PXDN: variants seen among roughly 807,000 people sequenced by gnomAD.
PXDN encodes the protein peroxidasin homolog.
PXDN carries 77 observed loss-of-function variants against 140.3 expected under a neutral mutation model. The observed-to-expected ratio is 0.55, with a 90% CI of 0.46 to 0.66. The LOEUF (loss-of-function observed/expected upper bound fraction) is 0.66, where lower values mean the gene tolerates loss of function less well. Among genes scored for constraint, PXDN ranks in the 30% least tolerant of loss-of-function variants. The probability of loss-of-function intolerance (pLI) is 0.00; values close to 1 mark genes in which losing one functional copy is unlikely to be tolerated. For synonymous variants in PXDN, 911 were observed against 857.4 expected (o/e 1.06, Z -1.09); for missense variants, 1,838 against 2,039.5 (o/e 0.90, Z 1.90).
At chr2:1,644,350 G>A (rs1409417277) in intron 18 of PXDN, among the ~76,000 whole-genome samples, 1 of 152,098 alleles carries the variant, frequency 6.6e-6, no homozygotes, top group Non-Finnish European at 1.5e-5. Flanking sequence ...AGGTTTACAG[G>A]AACAGAAATA....
chr2:1,645,621 A>C (rs1343009130), intron 17 of PXDN, among the ~76,000 whole-genome samples: 1 of 152,230 alleles, frequency 6.6e-6, no homozygotes, highest in African/African-American at 2.4e-5. Context: ...AATTTTATGT[A>C]AACTAGCATT....
At chr2:1,744,581 GC>G, upstream of PXDN, 1 of 802,204 alleles carries the variant, frequency 1.2e-6, no homozygotes, top group Non-Finnish European at 1.6e-6. Flanking sequence ...CTGTGCACAT[GC>G]GCGAGGCTCC....
rs1343771796 is a variant in PXDN at position 1,649,738 on chromosome 2, C to A, written c.2105-63G>T. ...CTGGAGGATGTGTGAGGGCCCGGTA[C>A]CCCTTGGCACCTCTGCCGCTGACAT... On this transcript the variant is annotated intron_variant, in intron 16 of 22. Transcript: ENST00000252804. The surrounding 1 kb of genome is among the most constrained non-coding windows in gnomAD (Gnocchi z 7.1). 7 of 1,558,024 alleles carry A rather than the reference C, an allele frequency of 4.5e-6. No homozygotes were observed. The Admixed American group carries it at 1.2e-4, about 26-fold the overall frequency.
intron 8 of PXDN, 95 bp downstream of exon 8, chr2:1,676,832 G>A (rs1207224183): frequency 2.3e-5 from 26 of 1,149,344 alleles, no homozygotes; most frequent in Non-Finnish European, 2.4e-5. Flanking sequence ...GAGGAAAAGT[G>A]GACGTGGGCC....
chr2:1,735,046 T>C (rs1430381840), intron 1 of PXDN, among the ~76,000 whole-genome samples: 1 of 152,218 alleles, frequency 6.6e-6, no homozygotes, highest in Admixed American at 6.5e-5. Context: ...AGCCACTTTT[T>C]ATGCTCATCC....
intron 6 of PXDN, 71 bp from the exon 7 acceptor site, chr2:1,680,433 C>T: frequency 2.2e-5 from 34 of 1,560,944 alleles, no homozygotes; most frequent in Non-Finnish European, 3.0e-5. Flanking sequence ...TCAGACAGGG[C>T]TTCCAGGTCC....
At chr2:1,715,809 C>G (rs1414890436) in intron 1 of PXDN, among the ~76,000 whole-genome samples, 1 of 152,214 alleles carries the variant, frequency 6.6e-6, no homozygotes, top group African/African-American at 2.4e-5. Flanking sequence ...TGAATATCTT[C>G]CATACTCAGG....
At position 1,680,182 on chromosome 2, in the gene PXDN, G is replaced by T. The variant is rs754008837; in HGVS notation, c.730+11C>A. 6 of 1,547,198 alleles carry T rather than the reference G, an allele frequency of 3.9e-6. No individual in the cohort carries two copies. The East Asian group carries it at 1.2e-4, about 31-fold the overall frequency. On this transcript the variant is annotated intron_variant, in intron 7 of 22. Transcript: ENST00000252804. ...AGTGTGTGGATGGTGTGTGCGTGTC[G>T]GGCCACTCACCACAGTTCAGCTCTT...
chr2:1,657,876 C>CTCTCTCTCT (rs1683184694), intron 14 of PXDN, among the ~76,000 whole-genome samples: 1 of 148,248 alleles, frequency 6.7e-6, no homozygotes, highest in African/African-American at 2.6e-5. Context: ...CGTGCCCCCT[C>CTCTCTCTCT]CTGACCGAAA....
At chr2:1,734,236 A>T (rs930405363) in intron 1 of PXDN, among the ~76,000 whole-genome samples, 3 of 152,228 alleles carry the variant, frequency 2.0e-5, no homozygotes, top group Non-Finnish European at 4.4e-5. Flanking sequence ...CAAAAGTTCT[A>T]TTTTCACTAT....
Position 1,714,800 on chromosome 2 carries a change from C to A in PXDN, c.201-21666G>T, listed in dbSNP as rs1312796640. ...CAAAGTGCATAGCTCTTGGGCCGGA[C>A]AAACCAGGCCTGGGTCAGATGGGGC... On this transcript the variant is annotated intron_variant, in intron 1 of 22. Coordinates refer to ENST00000252804, the MANE Select transcript of PXDN (RefSeq NM_012293.3). The surrounding 1 kb of genome is among the most constrained non-coding windows in gnomAD (Gnocchi z 4.3). 1.3e-5 allele frequency among the ~76,000 whole-genome samples: 2 copies of A among 152,160 alleles called. No homozygotes were observed. Among genetic ancestry groups the A allele is most frequent in the Non-Finnish European group, 2.9e-5 (2 of 68,034 alleles).
chr2:1,687,785 A>C lies in PXDN; in HGVS notation c.345-82T>G. ...CGGAAAAGAAGAATTAAATTGACAC[A>C]TGGAGACAGTTTTACAATTAATGAC... On this transcript the variant is annotated intron_variant, in intron 3 of 22. Coordinates refer to ENST00000252804, the MANE Select transcript of PXDN (RefSeq NM_012293.3). This position sits in a 1 kb window ranked among gnomAD's most constrained non-coding sequence, Gnocchi z 4.0. 2 of 1,063,506 alleles carry C rather than the reference A, an allele frequency of 1.9e-6. No individual in the cohort carries two copies. Among genetic ancestry groups the C allele is most frequent in the Non-Finnish European group, 2.8e-6 (2 of 719,606 alleles). 65.9% of individuals were successfully genotyped at this position (1,063,506 alleles called of 1,614,324 possible).
In PXDN at chr2:1,685,697, C is replaced by A. The variant is rs572705583; in HGVS notation, c.417-1546G>T. 1.3e-4 allele frequency among the ~76,000 whole-genome samples: 19 copies of A among 151,432 alleles called. No individual in the cohort carries two copies. The highest frequency in any genetic ancestry group is 2.4e-4 in the Non-Finnish European group (16 of 67,942). The stretch of plus-strand genomic sequence containing the variant: ...CACCCAGACTGCAATGCAGGTTGGC[C>A]AGGGGGACGGCTGAGTGGGTGGGAC... On this transcript the variant is annotated intron_variant, in intron 4 of 22. Coordinates refer to ENST00000252804, the MANE Select transcript of PXDN (RefSeq NM_012293.3). The surrounding 1 kb of genome is among the most constrained non-coding windows in gnomAD (Gnocchi z 5.1).
At chr2:1,670,563 A>G (rs1386084486) in intron 9 of PXDN, among the ~76,000 whole-genome samples, 1 of 152,234 alleles carries the variant, frequency 6.6e-6, no homozygotes, top group Non-Finnish European at 1.5e-5. Context: ...AGTATAAATT[A>G]TAAAAAATAC....
intron 3 of PXDN, among the ~76,000 whole-genome samples, chr2:1,688,248 T>A (rs1430605827): frequency 1.3e-5 from 2 of 152,142 alleles, no homozygotes; most frequent in African/African-American, 4.8e-5. Flanking sequence ...TGTAAAATGG[T>A]GGAAAATCTC....
chr2:1,694,130 T>C (rs1684245364), intron 1 of PXDN, among the ~76,000 whole-genome samples: 1 of 152,174 alleles, frequency 6.6e-6, no homozygotes, highest in Admixed American at 6.5e-5. Context: ...ATAGGTCCAA[T>C]CTCTTTTAAT....
At chr2:1,652,064 C>T (rs1397445440) in intron 16 of PXDN, among the ~76,000 whole-genome samples, 1 of 152,170 alleles carries the variant, frequency 6.6e-6, no homozygotes, top group Admixed American at 6.5e-5. Flanking sequence ...GGTGATTTTA[C>T]TCTTTCCTTT....
intron 1 of PXDN, among the ~76,000 whole-genome samples, chr2:1,723,264 G>A: frequency 6.6e-6 from 1 of 152,114 alleles, no homozygotes; most frequent in African/African-American, 2.4e-5. Context: ...CAGATAGATG[G>A]ACTAATGAAT....
chr2:1,693,517 T>C (rs888925918), intron 1 of PXDN, among the ~76,000 whole-genome samples: 4 of 152,218 alleles, frequency 2.6e-5, no homozygotes, highest in Non-Finnish European at 5.9e-5. Context: ...GTAAACACCT[T>C]AGAGTTTACT....
Sources: allele counts gnomAD v4.1 joint callset (sites outside exome capture counted in the v4.1 genomes callset), GRCh38; gene constraint gnomAD v4.1.1; non-coding constraint Gnocchi (gnomAD v3.1); transcripts MANE v1.5; gene names NCBI Gene and HGNC (gene_info 2026-07-23, HGNC 2026-07-21).